The following RCN3 variants were observed in gnomAD, a reference collection of about 807,000 sequenced individuals.
The protein encoded by RCN3 is reticulocalbin 3.
A neutral mutation model predicts 35.9 loss-of-function variants in RCN3; 41 were observed. The observed-to-expected ratio is 1.14, with a 90% CI of 0.89 to 1.48. The LOEUF (loss-of-function observed/expected upper bound fraction) is 1.48. Ranked by LOEUF, RCN3 falls within the 40% of genes most tolerant of loss-of-function variation. The probability of loss-of-function intolerance (pLI) is 0.00; values close to 1 mark genes in which losing one functional copy is unlikely to be tolerated. For synonymous variants in RCN3, 187 were observed against 193.4 expected (o/e 0.97, Z 0.27); for missense variants, 451 against 471.3 (o/e 0.96, Z 0.40).
At chr19:49,536,739 G>A (rs1210061461) in intron 3 of RCN3, among the ~76,000 whole-genome samples, 1 of 151,142 alleles carries the variant, frequency 6.6e-6, no homozygotes, top group African/African-American at 2.4e-5. Flanking sequence ...CTCCCGAGTA[G>A]CTGGGATTAC....
chr19:49,543,294 C>A lies in RCN3; in HGVS notation c.*81C>A. ...GCTGTGGTCTGGCCCCCTCCCTGTCCAGGCCCCGCAGGAGGCAGATGCAGT... is the reference window on the plus strand; with the variant it reads ...GCTGTGGTCTGGCCCCCTCCCTGTCAAGGCCCCGCAGGAGGCAGATGCAGT... On this transcript the variant is annotated 3_prime_UTR_variant, in exon 7 of 7. Coordinates refer to ENST00000270645, the MANE Select transcript of RCN3 (RefSeq NM_020650.3). 1 of 1,116,832 alleles carries A rather than the reference C, an allele frequency of 9.0e-7. No individual in the cohort carries two copies. The highest frequency in any genetic ancestry group is 1.3e-6 in the Non-Finnish European group (1 of 750,118). 69.2% of individuals were successfully genotyped at this position (1,116,832 alleles called of 1,614,324 possible). A position where few individuals can be genotyped will look rare whatever the true frequency, so the allele number is the denominator to read the frequency against.
At chr19:49,532,350 C>A (rs1051231540) in intron 2 of RCN3, among the ~76,000 whole-genome samples, 4 of 151,704 alleles carry the variant, frequency 2.6e-5, no homozygotes, top group Non-Finnish European at 5.9e-5. Flanking sequence ...TGTGATCCGC[C>A]CTCCTCGGCC....
rs547410278 is a variant in RCN3 at position 49,531,926 on chromosome 19, G to A, written c.243-2267G>A. Among the ~76,000 whole-genome samples, 226 of 151,076 alleles carry A rather than the reference G, an allele frequency of 1.5e-3. 2 individuals carry two copies. The highest frequency in any genetic ancestry group is 0.012 in the South Asian group (56 of 4,776). Reference sequence around the variant, plus strand: ...TGCCATTCTCCTGCCTCAGCCTCCCGAGTAGCTGGGACTACAGGCGCCCAC... The same window carrying A: ...TGCCATTCTCCTGCCTCAGCCTCCCAAGTAGCTGGGACTACAGGCGCCCAC... On this transcript the variant is annotated intron_variant, in intron 2 of 6. Transcript: ENST00000270645.
In RCN3 at chr19:49,539,106, C is replaced by G. The variant is rs375627696; in HGVS notation, c.619-13C>G. 134 of 1,591,566 alleles carry G rather than the reference C, an allele frequency of 8.4e-5. No homozygotes were observed. In the African/African-American group the frequency reaches 1.4e-3, roughly 16 times the overall value. On this transcript the variant is annotated splice_polypyrimidine_tract_variant and intron_variant, in intron 4 of 6. Transcript: ENST00000270645. ...TCATCGGCCCCCAGCCTCAATGCCCCTTTCTCCTCCAGGAAACCCTGGAGG... is the reference window on the plus strand; with the variant it reads ...TCATCGGCCCCCAGCCTCAATGCCCGTTTCTCCTCCAGGAAACCCTGGAGG...
At chr19:49,534,425 C>T (rs2080125195) in intron 3 of RCN3, 30 bp downstream of exon 3, 1 of 1,533,482 alleles carries the variant, frequency 6.5e-7, no homozygotes, top group South Asian at 1.2e-5. Context: ...CCCTGCTCCC[C>T]ATACACCGTG....
intron 5 of RCN3, among the ~76,000 whole-genome samples, chr19:49,540,620 T>TA (rs563890742): frequency 0.11 from 14,487 of 137,314 alleles, 914 homozygotes; most frequent in African/African-American, 0.18. Context: ...AACTCCATCT[T>TA]AAAAAAAAAA....
Position 49,528,634 on chromosome 19 carries a change from C to A in RCN3, c.162C>A (p.Tyr54Ter). Residue 54 changes from tyrosine (Y) to a stop codon, truncating the protein, a stop_gained, in exon 2 of 7, where the codon TAC becomes TAA. Coordinates refer to ENST00000270645, the MANE Select transcript of RCN3 (RefSeq NM_020650.3). LOFTEE classifies it high-confidence loss of function. ...ATGACGCCCACGGGAACTTCCAGTA[C>A]GACCATGAGGCTTTCCTGGGACGGG... Reference protein sequence around the residue: ...PHDDAHGNFQYDHEAFLGREV... With the variant: ...PHDDAHGNFQ 6.2e-7 allele frequency: 1 copy of A among 1,612,252 alleles called. No individual in the cohort carries two copies. The highest frequency in any genetic ancestry group is 8.5e-7 in the Non-Finnish European group (1 of 1,179,232).
intron 2 of RCN3, among the ~76,000 whole-genome samples, chr19:49,530,394 C>T (rs1383141671): frequency 6.6e-6 from 1 of 150,658 alleles, no homozygotes; most frequent in African/African-American, 2.4e-5. Flanking sequence ...TGGTCTCGAG[C>T]TCCTGAGCTC....
chr19:49,538,655 A>G (rs1601216921), intron 4 of RCN3, among the ~76,000 whole-genome samples: 1 of 152,272 alleles, frequency 6.6e-6, no homozygotes, highest in East Asian at 1.9e-4. Flanking sequence ...TTGGGGAACA[A>G]AAGTCGTTTT....
chr19:49,534,889 C>A (rs1056321417), intron 3 of RCN3, among the ~76,000 whole-genome samples: 1 of 152,086 alleles, frequency 6.6e-6, no homozygotes. Context: ...TCCTGAGAAC[C>A]CCAAAGCCAG....
chr19:49,534,275 A>G lies in RCN3; in HGVS notation c.325A>G (p.Thr109Ala). The G allele has an allele frequency of 6.8e-7, 1 of 1,462,256 alleles. No homozygotes were observed. Among genetic ancestry groups the G allele is most frequent in the Non-Finnish European group, 9.0e-7 (1 of 1,109,622 alleles). 90.6% of individuals were successfully genotyped at this position (1,462,256 alleles called of 1,614,324 possible). ...CGAGCTTCGCGCGTGGATCGCGCAC[A>G]CGCAGCAGCGGCACATACGGGACTC... ...LAELRAWIAHTQQRHIRDSVS... is the reference protein window; with the variant it reads ...LAELRAWIAHAQQRHIRDSVS... Residue 109 changes from threonine (T) to alanine (A), a missense_variant, in exon 3 of 7, where the codon ACG becomes GCG. Thr to Ala is a moderately conservative substitution (Grantham distance 58). Transcript: ENST00000270645.
chr19:49,532,664 G>A (rs889120570), intron 2 of RCN3, among the ~76,000 whole-genome samples: 6 of 149,848 alleles, frequency 4.0e-5, no homozygotes, highest in African/African-American at 9.9e-5. Context: ...GTGAGCCACC[G>A]TGCCCGGCCT....
At chr19:49,528,247 G>C in intron 1 of RCN3, 189 bp downstream of exon 1, 1 of 474,034 alleles carries the variant, frequency 2.1e-6, no homozygotes, top group Non-Finnish European at 3.7e-6. Flanking sequence ...GGACCCCCCT[G>C]AGACTCCGTC....
Position 49,543,278 on chromosome 19 carries a change from T to TG in RCN3, c.*67dup. The TG allele has an allele frequency of 7.6e-7, 1 of 1,318,628 alleles. No homozygotes were observed. Among genetic ancestry groups the TG allele is most frequent in the South Asian group, 1.2e-5 (1 of 82,120 alleles). 81.7% of individuals were successfully genotyped at this position (1,318,628 alleles called of 1,614,324 possible). ...GACCGGAGGAGGGGCCGCTGTGGTC[T>TG]GGCCCCCTCCCTGTCCAGGCCCCGC... On this transcript the variant is annotated 3_prime_UTR_variant, in exon 7 of 7. Transcript: ENST00000270645.
At chr19:49,534,107 G>T (rs911300140) in intron 2 of RCN3, 86 bp from the exon 3 acceptor site, 15 of 1,266,590 alleles carry the variant, frequency 1.2e-5, no homozygotes, top group Non-Finnish European at 1.2e-5. Flanking sequence ...CCCCGGATCC[G>T]AAGTGTCCCA....
At chr19:49,531,293 T>C (rs1473226059) in intron 2 of RCN3, among the ~76,000 whole-genome samples, 1 of 152,066 alleles carries the variant, frequency 6.6e-6, no homozygotes, top group Non-Finnish European at 1.5e-5. Flanking sequence ...CACTCCAGCC[T>C]AAGCAACAGA....
At chr19:49,535,861 A>ATATATATAT (rs569935429) in intron 3 of RCN3, among the ~76,000 whole-genome samples, 9 of 142,744 alleles carry the variant, frequency 6.3e-5, no homozygotes, top group African/African-American at 2.4e-4. Context: ...AAAAAAAAAA[A>ATATATATAT]ATATATATAT....
chr19:49,538,979 G>A, intron 4 of RCN3, 140 bp from the exon 5 acceptor site: 1 of 571,484 alleles, frequency 1.7e-6, no homozygotes, highest in East Asian at 3.0e-5. Flanking sequence ...GCCACCTGTT[G>A]AGACTGCTCT....
rs2080169119 is a variant in RCN3, at chr19:49,542,716, A to C, written c.843A>C (p.Glu281Asp). ...LPPAQDQPLV[E>D]ANHLLHESDT... ...CTGCCCAGGACCAGCCCCTGGTGGA[A>C]GCCAACCACCTGCTGCACGAGAGCG... The change falls in exon 6 of 7, where the codon GAA becomes GAC. Residue 281 changes from glutamate to aspartate, a missense_variant. Coordinates refer to ENST00000270645, the MANE Select transcript of RCN3 (RefSeq NM_020650.3). 6.3e-7 allele frequency: 1 copy of C among 1,595,022 alleles called. No homozygotes were observed. The highest frequency in any genetic ancestry group is 1.8e-5 in the Admixed American group (1 of 55,346).
Sources: gnomAD v4.1 joint callset for allele counts (sites outside exome capture counted in the v4.1 genomes callset) on GRCh38, gnomAD v4.1.1 for gene constraint, MANE v1.5 for transcripts, NCBI Gene and HGNC (gene_info 2026-07-23, HGNC 2026-07-21) for gene names.